The following WBP4 variants were observed in gnomAD, a reference collection of about 807,000 sequenced individuals.
WBP4 encodes WW domain-binding protein 4.
Under a neutral mutation model 55.4 loss-of-function variants are expected in WBP4, and 37 were observed. The observed-to-expected ratio is 0.67, with a 90% confidence interval of 0.51 to 0.88. WBP4 has a LOEUF of 0.88. Among genes scored for constraint, WBP4 ranks in the 40% least tolerant of loss-of-function variants. The probability of loss-of-function intolerance (pLI) is 0.00; values close to 1 mark genes in which losing one functional copy is unlikely to be tolerated. For synonymous variants in WBP4, 142 were observed against 140.2 expected (o/e 1.01, Z -0.09); for missense variants, 398 against 420.8 (o/e 0.95, Z 0.47).
rs926391486 is a variant in WBP4 at position 41,080,748 on chromosome 13, ACT to A, written c.862_863del (p.Leu288Ter). ...SLGSNEEKSK[T>X]LKKSNPYGEW... ...AGGTTCAAATGAAGAAAAATCGAAA[ACT>A]CTTAAGAAATCAAACCCATATGGAG... On this transcript the variant is annotated frameshift_variant, in exon 9 of 10. Coordinates refer to ENST00000379487, the MANE Select transcript of WBP4 (RefSeq NM_007187.5). LOFTEE classifies it high-confidence loss of function. 5 of 1,606,602 alleles carry A rather than the reference ACT, an allele frequency of 3.1e-6. No individual in the cohort carries two copies. In the African/African-American group the frequency reaches 6.7e-5, roughly 22 times the overall value.
intron 6 of WBP4, among the ~76,000 whole-genome samples, 173 bp from the exon 7 acceptor site, chr13:41,072,608 GC>G (rs758866456): frequency 5.3e-5 from 8 of 152,178 alleles, no homozygotes; most frequent in African/African-American, 7.2e-5. Flanking sequence ...CTCCCACAAG[GC>G]CCCATCTCCA....
intron 8 of WBP4, 73 bp downstream of exon 8, chr13:41,076,310 T>G: frequency 8.3e-7 from 1 of 1,200,184 alleles, no homozygotes. Flanking sequence ...GATGGAGTCT[T>G]GTTCTGTCCC....
rs1483157349 is a variant in WBP4 at position 41,069,646 on chromosome 13, C to T, written c.439+909C>T. Among the ~76,000 whole-genome samples the T allele has an allele frequency of 4.4e-5, 6 of 135,446 alleles. No individual in the cohort carries two copies. The Admixed American group carries it at 5.0e-4, about 11-fold the overall frequency. 88.9% of individuals were successfully genotyped at this position (135,446 alleles called of 152,430 possible). A position where few individuals can be genotyped will look rare whatever the true frequency, so the allele number is the denominator to read the frequency against. On this transcript the variant is annotated intron_variant, in intron 5 of 9. Coordinates refer to ENST00000379487, the MANE Select transcript of WBP4 (RefSeq NM_007187.5). ...CACTGAACCCAGGAAGCGGAGCTTG[C>T]GGTGAGCGTAGATTGGGCCACTGTA...
At chr13:41,067,598 A>G (rs1878029795) in intron 4 of WBP4, among the ~76,000 whole-genome samples, 1 of 152,154 alleles carries the variant, frequency 6.6e-6, no homozygotes. Context: ...AAGTGGGAGG[A>G]TTGCTTGAGC....
At chr13:41,062,096 G>GTTTTTTTTTTTTTTTTTTTT in intron 1 of WBP4, 2 of 805,564 alleles carry the variant, frequency 2.5e-6, no homozygotes, top group Non-Finnish European at 2.8e-6. Context: ...TAGCGTAATG[G>GTTTTTTTTTTTTTTTTTTTT]TTTTTTTTTT....
At chr13:41,069,359 C>G (rs1807277306) in intron 5 of WBP4, among the ~76,000 whole-genome samples, 1 of 152,186 alleles carries the variant, frequency 6.6e-6, no homozygotes, top group South Asian at 2.1e-4. Flanking sequence ...GAAACCCCAT[C>G]TGTACTAAAA....
Position 41,076,076 on chromosome 13 carries a change from C to A in WBP4, c.595C>A (p.Pro199Thr), listed in dbSNP as rs1593432027. The A allele has an allele frequency of 1.9e-6, 3 of 1,612,912 alleles. No homozygotes were observed. The East Asian group carries it at 6.7e-5, about 36-fold the overall frequency. ...SRWEKPDDFIPHTSDLPSSKV... is the reference protein window; with the variant it reads ...SRWEKPDDFITHTSDLPSSKV... ...ATGGGAGAAACCTGATGATTTCATT[C>A]CACACACTAGTGATCTGCCTTCTAG... Residue 199 changes from proline (P) to threonine (T), a missense_variant, in exon 8 of 10, where the codon CCA (proline) becomes ACA (threonine). Transcript: ENST00000379487.
At chr13:41,073,881 T>G (rs1878360994) in intron 7 of WBP4, among the ~76,000 whole-genome samples, 1 of 152,160 alleles carries the variant, frequency 6.6e-6, no homozygotes, top group South Asian at 2.1e-4. Flanking sequence ...TTAACAATGT[T>G]TCAGTTGCAT....
In WBP4 at chr13:41,062,174, A is replaced by G. The variant is rs1432292251; in HGVS notation, c.3-470A>G. On this transcript the variant is annotated intron_variant, in intron 1 of 9. Transcript: ENST00000379487. ...GCTTTTCCAGTTCTCTCTTGCCTTG[A>G]GGCTCAAGAACAGTTTGTTTTAACT... 5.3e-6 allele frequency: 5 copies of G among 949,390 alleles called. No individual in the cohort carries two copies. The African/African-American group carries it at 6.5e-5, about 12-fold the overall frequency. The allele number at this position is 949,390 out of a possible 1,614,324, so 58.8% of individuals were successfully genotyped here.
At chr13:41,074,499 G>A (rs1375997637) in intron 7 of WBP4, among the ~76,000 whole-genome samples, 1 of 152,138 alleles carries the variant, frequency 6.6e-6, no homozygotes, top group African/African-American at 2.4e-5. Flanking sequence ...AAATAGTATA[G>A]TGATATAATA....
Position 41,083,119 on chromosome 13 carries a change from C to A in WBP4, c.*205C>A. ...AAGCCTACCACATTGCATTGTAATA[C>A]AGTGTATTATGTTCAGTGTCTAAAA... On this transcript the variant is annotated 3_prime_UTR_variant, in exon 10 of 10. Coordinates refer to ENST00000379487, the MANE Select transcript of WBP4 (RefSeq NM_007187.5). The A allele has an allele frequency of 1.9e-6, 1 of 527,860 alleles. No homozygotes were observed. Among genetic ancestry groups the A allele is most frequent in the Non-Finnish European group, 3.3e-6 (1 of 300,086 alleles). The allele number at this position is 527,860 out of a possible 1,614,324, so 32.7% of individuals were successfully genotyped here.
intron 8 of WBP4, among the ~76,000 whole-genome samples, chr13:41,076,517 G>T (rs920071857): frequency 6.6e-6 from 1 of 151,936 alleles, no homozygotes; most frequent in South Asian, 2.1e-4. Flanking sequence ...TCCTGACCTC[G>T]TGATCTACTT....
At chr13:41,070,582 T>C (rs1767293854) in intron 5 of WBP4, among the ~76,000 whole-genome samples, 2 of 151,842 alleles carry the variant, frequency 1.3e-5, no homozygotes, top group Admixed American at 1.3e-4. Context: ...ATACGTTGAA[T>C]ATGAGGTACC....
chr13:41,068,474 T>C lies in WBP4; in HGVS notation c.263-87T>C, dbSNP rs1268694653. On this transcript the variant is annotated intron_variant, in intron 4 of 9. Coordinates refer to ENST00000379487, the MANE Select transcript of WBP4 (RefSeq NM_007187.5). ...TCTCAAAAGAACCTTATCAGGTTTT[T>C]GATTGGAATAACATTAATGTTTTAT... 6.3e-6 allele frequency: 8 copies of C among 1,278,194 alleles called. No individual in the cohort carries two copies. The East Asian group carries it at 1.8e-4, about 29-fold the overall frequency. The allele number at this position is 1,278,194 out of a possible 1,614,324, so 79.2% of individuals were successfully genotyped here.
intron 7 of WBP4, among the ~76,000 whole-genome samples, chr13:41,073,461 C>G (rs993835287): frequency 1.3e-5 from 2 of 151,234 alleles, no homozygotes; most frequent in Non-Finnish European, 1.5e-5. Flanking sequence ...TGCAGTGACC[C>G]GAGATCGTGC....
chr13:41,067,700 T>C (rs1878034506), intron 4 of WBP4, among the ~76,000 whole-genome samples: 1 of 152,206 alleles, frequency 6.6e-6, no homozygotes, highest in South Asian at 2.1e-4. Context: ...ATGTTAATTA[T>C]CTGAATTGTC....
Position 41,082,898 on chromosome 13 carries a change from G to T in WBP4, c.1115G>T (p.Arg372Leu), listed in dbSNP as rs200281123. ...ENGKSRNLRQ[R>L]GDDQ ...GGAAAATCTAGAAATTTAAGGCAAC[G>T]AGGTGATGATCAATAGTTGCAGGAG... The change falls in exon 10 of 10, where the codon CGA becomes CTA. Residue 372 changes from arginine (R) to leucine (L), a missense_variant. Physicochemically the swap from Arg to Leu is moderately radical, Grantham distance 102. Coordinates refer to ENST00000379487, the MANE Select transcript of WBP4 (RefSeq NM_007187.5). 6.2e-7 allele frequency: 1 copy of T among 1,613,964 alleles called. No individual in the cohort carries two copies. Among genetic ancestry groups the T allele is most frequent in the South Asian group, 1.1e-5 (1 of 91,066 alleles).
intron 8 of WBP4, 99 bp from the exon 9 acceptor site, chr13:41,080,547 G>A (rs1878723001): frequency 1.1e-6 from 1 of 902,786 alleles, no homozygotes; most frequent in Non-Finnish European, 1.6e-6. Context: ...GTGAATTATT[G>A]TTTATAAATC....
At chr13:41,080,493 A>G (rs1698930713) in intron 8 of WBP4, among the ~76,000 whole-genome samples, 153 bp from the exon 9 acceptor site, 1 of 152,242 alleles carries the variant, frequency 6.6e-6, no homozygotes, top group Non-Finnish European at 1.5e-5. Flanking sequence ...ATCAAGCAGT[A>G]AAGTTCTATG....
Sources: gnomAD v4.1 joint callset for allele counts (sites outside exome capture counted in the v4.1 genomes callset) on GRCh38, gnomAD v4.1.1 for gene constraint, MANE v1.5 for transcripts, NCBI Gene and HGNC (gene_info 2026-07-23, HGNC 2026-07-21) for gene names.